The following THSD4 variants were observed in gnomAD, a reference collection of about 807,000 sequenced individuals.
THSD4 encodes thrombospondin type 1 domain containing 4.
Under a neutral mutation model 119.0 loss-of-function variants are expected in THSD4, and 69 were observed. That is an observed-to-expected ratio of 0.58 (90% CI 0.48 to 0.71). THSD4 has a LOEUF of 0.71. Among genes scored for constraint, THSD4 ranks in the 30% least tolerant of loss-of-function variants. The probability of loss-of-function intolerance (pLI) is 0.00; values close to 1 mark genes in which losing one functional copy is unlikely to be tolerated. For missense variants in THSD4, 1,393 were observed against 1,391.1 expected (o/e 1.00, Z -0.02); for synonymous variants, 524 against 540.4 (o/e 0.97, Z 0.42).
intron 8 of THSD4, among the ~76,000 whole-genome samples, chr15:71,663,048 C>T (rs565882947): frequency 2.6e-5 from 4 of 151,974 alleles, no homozygotes; most frequent in Non-Finnish European, 5.9e-5. Flanking sequence ...CAAGAGTTCA[C>T]GACCAGCCTG....
At position 71,667,691 on chromosome 15, in the gene THSD4, T is replaced by A. The variant is rs138696831; in HGVS notation, c.1357+6957T>A. ...TTTCTTTACAGGAAACATTGGATGTTTAAATACTATGATGTCTTACATTCG... is the reference window on the plus strand; with the variant it reads ...TTTCTTTACAGGAAACATTGGATGTATAAATACTATGATGTCTTACATTCG... On this transcript the variant is annotated intron_variant, in intron 8 of 17. Coordinates refer to ENST00000261862, the MANE Select transcript of THSD4 (RefSeq NM_024817.3). 3.6e-3 allele frequency among the ~76,000 whole-genome samples: 553 copies of A among 152,386 alleles called. 1 individual carries two copies. The highest frequency in any genetic ancestry group is 5.9e-3 in the Non-Finnish European group (399 of 68,036).
intron 6 of THSD4, among the ~76,000 whole-genome samples, chr15:71,396,481 A>G (rs1159551291): frequency 6.6e-6 from 1 of 152,180 alleles, no homozygotes; most frequent in East Asian, 1.9e-4. Context: ...TTGTACCAGA[A>G]TTCCCTTCCC....
At chr15:71,584,790 GTCC>G (rs1368061067) in intron 7 of THSD4, among the ~76,000 whole-genome samples, 1 of 151,742 alleles carries the variant, frequency 6.6e-6, no homozygotes, top group East Asian at 1.9e-4. Context: ...CTCTCTAGAT[GTCC>G]TCATTTGCAA....
chr15:71,480,460 G>A (rs986328190), intron 7 of THSD4, among the ~76,000 whole-genome samples: 3 of 151,964 alleles, frequency 2.0e-5, no homozygotes, highest in Non-Finnish European at 2.9e-5. Context: ...CCTATTTTTT[G>A]AAATTTAAGT....
At position 71,164,992 on chromosome 15, in the gene THSD4, C is replaced by T. The variant is rs1358663191; in HGVS notation, c.99+10060C>T. On this transcript the variant is annotated intron_variant, in intron 3 of 17. Transcript: ENST00000261862. ...GCTTCGCAGCCTTCTTTTCATAAGGCTGCTTGTCATCTGCAGCAGTGTTAT... is the reference window on the plus strand; with the variant it reads ...GCTTCGCAGCCTTCTTTTCATAAGGTTGCTTGTCATCTGCAGCAGTGTTAT... 29 of 1,592,082 alleles carry T rather than the reference C, an allele frequency of 1.8e-5. No homozygotes were observed. In the East Asian group the frequency reaches 2.2e-4, roughly 12 times the overall value.
chr15:71,482,023 A>T (rs535216215), intron 7 of THSD4, among the ~76,000 whole-genome samples: 2 of 152,326 alleles, frequency 1.3e-5, no homozygotes, highest in African/African-American at 4.8e-5. Context: ...AACATGGGGT[A>T]AAAAAATAAT....
chr15:71,652,396 T>C (rs1274866406), intron 7 of THSD4, among the ~76,000 whole-genome samples: 1 of 152,220 alleles, frequency 6.6e-6, no homozygotes, highest in African/African-American at 2.4e-5. Context: ...GTTTCTAGTA[T>C]TCTATACAAA....
At chr15:71,606,618 G>T (rs151257182) in intron 7 of THSD4, among the ~76,000 whole-genome samples, 2 of 152,070 alleles carry the variant, frequency 1.3e-5, no homozygotes, top group African/African-American at 4.8e-5. Context: ...TCGGCTCACC[G>T]CAACCTCCAC....
intron 3 of THSD4, 133 bp from the exon 4 acceptor site, chr15:71,214,902 G>T: frequency 8.4e-7 from 1 of 1,191,984 alleles, no homozygotes; most frequent in Non-Finnish European, 1.0e-6. Flanking sequence ...AGCCAGGCTG[G>T]ATTGTATTAA....
chr15:71,276,442 C>T (rs529252120), intron 6 of THSD4, among the ~76,000 whole-genome samples: 6 of 152,272 alleles, frequency 3.9e-5, no homozygotes, highest in African/African-American at 9.6e-5. Flanking sequence ...TGAGTCATAA[C>T]GCGCAGGTCT....
chr15:71,578,860 T>TG (rs2049505822), intron 7 of THSD4, among the ~76,000 whole-genome samples: 1 of 151,266 alleles, frequency 6.6e-6, no homozygotes, highest in African/African-American at 2.4e-5. Flanking sequence ...TTTTTTTTTT[T>TG]TGAGACGGAG....
chr15:71,441,946 A>C (rs1420782504), intron 7 of THSD4, among the ~76,000 whole-genome samples: 2 of 151,852 alleles, frequency 1.3e-5, no homozygotes, highest in East Asian at 1.9e-4. Flanking sequence ...CCTTGTTGCT[A>C]TCTTTTTTGT....
At chr15:71,248,744 A>C (rs959105743) in intron 5 of THSD4, among the ~76,000 whole-genome samples, 10 of 150,776 alleles carry the variant, frequency 6.6e-5, no homozygotes, top group Admixed American at 2.6e-4. Context: ...CCGAATCTCA[A>C]ATCTAGATTG....
chr15:71,324,888 T>G (rs72761505), intron 6 of THSD4, among the ~76,000 whole-genome samples: 7,952 of 152,306 alleles, frequency 0.052, 222 homozygotes, highest in Non-Finnish European at 0.064. Flanking sequence ...ATCTCCAGAC[T>G]GTTTCCCATA....
At chr15:71,416,935 A>AT (rs2046766873) in intron 7 of THSD4, among the ~76,000 whole-genome samples, 1 of 102,910 alleles carries the variant, frequency 9.7e-6, no homozygotes, top group African/African-American at 3.4e-5. Context: ...ATTTTTTTGT[A>AT]TTTTTAATAG....
At chr15:71,124,241 A>G (rs1183932800) in intron 1 of THSD4, among the ~76,000 whole-genome samples, 2 of 152,256 alleles carry the variant, frequency 1.3e-5, no homozygotes, top group African/African-American at 4.8e-5. Flanking sequence ...AAGAAGCCAT[A>G]GACAATAGAT....
chr15:71,344,411 G>C (rs905287663), intron 6 of THSD4, among the ~76,000 whole-genome samples: 4 of 152,078 alleles, frequency 2.6e-5, no homozygotes, highest in Non-Finnish European at 5.9e-5. Context: ...CAGATTCCAG[G>C]GTCAGGACTT....
chr15:71,646,843 G>T (rs2050978775), intron 7 of THSD4, among the ~76,000 whole-genome samples: 1 of 152,144 alleles, frequency 6.6e-6, no homozygotes, highest in Non-Finnish European at 1.5e-5. Context: ...TGCAGCCCTG[G>T]GCACTCCCTT....
chr15:71,269,738 C>G (rs936367998), intron 6 of THSD4, among the ~76,000 whole-genome samples: 10 of 152,178 alleles, frequency 6.6e-5, no homozygotes, highest in African/African-American at 2.4e-4. Flanking sequence ...AGCTGATAAG[C>G]AACTTCAGCA....
Sources: gnomAD v4.1 joint callset for allele counts (sites outside exome capture counted in the v4.1 genomes callset) on GRCh38, gnomAD v4.1.1 for gene constraint, MANE v1.5 for transcripts, NCBI Gene and HGNC (gene_info 2026-07-23, HGNC 2026-07-21) for gene names.